The following MARK1 variants were observed in gnomAD, a reference collection of about 807,000 sequenced individuals.
MARK1 encodes the protein serine/threonine-protein kinase MARK1.
A neutral mutation model predicts 96.3 loss-of-function variants in MARK1; 40 were observed. That is an observed-to-expected ratio of 0.42 (90% CI 0.32 to 0.54). MARK1 has a LOEUF of 0.54. Ranked by LOEUF, MARK1 falls within the 20% of genes least tolerant of loss-of-function variation. The pLI is 0.16. For missense variants in MARK1, 719 were observed against 984.6 expected (o/e 0.73, Z 3.61); for synonymous variants, 317 against 341.2 (o/e 0.93, Z 0.78).
intron 13 of MARK1, among the ~76,000 whole-genome samples, chr1:220,646,545 G>GA (rs952611937): frequency 5.3e-5 from 8 of 152,018 alleles, no homozygotes; most frequent in Non-Finnish European, 1.0e-4. Flanking sequence ...CACAGAATTA[G>GA]AAAAAAACTA....
intron 1 of MARK1, among the ~76,000 whole-genome samples, chr1:220,564,651 G>A (rs901431425): frequency 6.6e-6 from 1 of 152,076 alleles, no homozygotes; most frequent in Admixed American, 6.6e-5. Context: ...ATAGCATCCT[G>A]TGTGTACCTT....
At chr1:220,606,256 G>C (rs2102929155) in intron 6 of MARK1, among the ~76,000 whole-genome samples, 1 of 152,230 alleles carries the variant, frequency 6.6e-6, no homozygotes, top group East Asian at 1.9e-4. Flanking sequence ...GTTTTGATTT[G>C]CATTTCTCTG....
At chr1:220,537,343 G>A (rs1238669060) in intron 1 of MARK1, among the ~76,000 whole-genome samples, 1 of 148,480 alleles carries the variant, frequency 6.7e-6, no homozygotes, top group Non-Finnish European at 1.5e-5. Context: ...GCGGTGTTTG[G>A]TTTTTTGTTC....
At chr1:220,630,296 A>G (rs1667614292) in intron 9 of MARK1, among the ~76,000 whole-genome samples, 1 of 152,056 alleles carries the variant, frequency 6.6e-6, no homozygotes, top group Non-Finnish European at 1.5e-5. Context: ...TATTCAGGTT[A>G]TTTGTTTTGA....
At chr1:220,529,551 T>A (rs889933923) in intron 1 of MARK1, among the ~76,000 whole-genome samples, 4 of 152,164 alleles carry the variant, frequency 2.6e-5, no homozygotes, top group Non-Finnish European at 5.9e-5. Flanking sequence ...AAGGGCTTTT[T>A]AATCTCTTCC....
chr1:220,605,857 T>C (rs1344952929), intron 6 of MARK1, among the ~76,000 whole-genome samples: 3 of 152,212 alleles, frequency 2.0e-5, no homozygotes, highest in Non-Finnish European at 4.4e-5. Flanking sequence ...TCCTTTTTTA[T>C]GGCTGCGTAG....
chr1:220,543,004 C>G (rs1180442711), intron 1 of MARK1, among the ~76,000 whole-genome samples: 1 of 152,024 alleles, frequency 6.6e-6, no homozygotes, highest in East Asian at 1.9e-4. Flanking sequence ...GCATAATTTT[C>G]TGTTTATAAA....
At chr1:220,595,970 T>G (rs1237514688) in intron 3 of MARK1, among the ~76,000 whole-genome samples, 1 of 152,182 alleles carries the variant, frequency 6.6e-6, no homozygotes, top group Non-Finnish European at 1.5e-5. Context: ...GACAGACATA[T>G]GGAGCTGGGG....
At chr1:220,590,287 G>A (rs1400779765) in intron 3 of MARK1, among the ~76,000 whole-genome samples, 1 of 152,168 alleles carries the variant, frequency 6.6e-6, no homozygotes, top group Non-Finnish European at 1.5e-5. Context: ...TATCATATTA[G>A]TCTGCTAGTC....
intron 1 of MARK1, among the ~76,000 whole-genome samples, chr1:220,573,174 G>T (rs1663590533): frequency 6.6e-6 from 1 of 151,862 alleles, no homozygotes; most frequent in Non-Finnish European, 1.5e-5. Context: ...ATCCTTCTTA[G>T]AATTTACAGT....
intron 11 of MARK1, among the ~76,000 whole-genome samples, chr1:220,633,115 G>A (rs956323442): frequency 1.3e-5 from 2 of 152,096 alleles, no homozygotes; most frequent in African/African-American, 2.4e-5. Flanking sequence ...GCGTGAACCC[G>A]TAAAGGGAGA....
At chr1:220,566,212 G>C (rs941974191) in intron 1 of MARK1, among the ~76,000 whole-genome samples, 1 of 152,132 alleles carries the variant, frequency 6.6e-6, no homozygotes, top group African/African-American at 2.4e-5. Flanking sequence ...TGGACTGGTA[G>C]TAACATTATT....
In MARK1 at chr1:220,581,070, T is replaced by A. The variant is rs778153923; in HGVS notation, c.261T>A (p.Ala87=). Residue 87 remains alanine (A), a synonymous_variant, in exon 3 of 18, where the codon GCT becomes GCA. Transcript: ENST00000366917. The stretch of plus-strand genomic sequence containing the variant: ...TAATGATTCTTCTTTTTTAGGTTGC[T>A]GTGAAAATAATAGACAAAACTCAGC... The part of the protein sequence containing the change: ...ARHVLTGREV[A]VKIIDKTQLN... The A allele has an allele frequency of 8.6e-6, 11 of 1,279,860 alleles. No individual in the cohort carries two copies. Among genetic ancestry groups the A allele is most frequent in the Non-Finnish European group, 1.1e-5 (11 of 961,748 alleles). 79.3% of individuals were successfully genotyped at this position (1,279,860 alleles called of 1,614,324 possible). A position where few individuals can be genotyped will look rare whatever the true frequency, so the allele number is the denominator to read the frequency against.
chr1:220,549,192 A>G (rs779020305), intron 1 of MARK1, among the ~76,000 whole-genome samples: 4 of 152,182 alleles, frequency 2.6e-5, no homozygotes, highest in Admixed American at 6.5e-5. Context: ...CTTGGGTTCA[A>G]ATCCTAGCTC....
chr1:220,621,683 A>T (rs1018689178), intron 9 of MARK1, among the ~76,000 whole-genome samples: 4 of 151,798 alleles, frequency 2.6e-5, no homozygotes, highest in Non-Finnish European at 4.4e-5. Context: ...TTCCACATTT[A>T]AAAAAAATGG....
chr1:220,641,923 G>A (rs1392969122), intron 13 of MARK1, among the ~76,000 whole-genome samples: 4 of 152,194 alleles, frequency 2.6e-5, no homozygotes, highest in Non-Finnish European at 1.5e-5. Flanking sequence ...CATGGATCGG[G>A]AGATTCCCTA....
At chr1:220,542,011 T>A (rs1661182056) in intron 1 of MARK1, among the ~76,000 whole-genome samples, 1 of 152,200 alleles carries the variant, frequency 6.6e-6, no homozygotes, top group African/African-American at 2.4e-5. Context: ...TGTAGTGACC[T>A]CTAGTGTAAG....
At position 220,659,253 on chromosome 1, in the gene MARK1, C is replaced by T. The variant is rs1372930975; in HGVS notation, c.2033+1419C>T. 2.6e-5 allele frequency among the ~76,000 whole-genome samples: 4 copies of T among 152,006 alleles called. No homozygotes were observed. In the East Asian group the frequency reaches 7.7e-4, roughly 29 times the overall value. On this transcript the variant is annotated intron_variant, in intron 17 of 17. Transcript: ENST00000366917. Reference sequence around the variant, plus strand: ...GTACTTTCTGATCATTTAATTTTCACAACAACTAGGTGAAAATGCCTATTT... The same window carrying T: ...GTACTTTCTGATCATTTAATTTTCATAACAACTAGGTGAAAATGCCTATTT...
At chr1:220,574,749 G>C (rs912346991) in intron 1 of MARK1, among the ~76,000 whole-genome samples, 34 of 152,086 alleles carry the variant, frequency 2.2e-4, no homozygotes, top group Admixed American at 2.2e-3. Flanking sequence ...TTCTTTGTTG[G>C]AAGCAGAACT....
Sources: gnomAD v4.1 joint callset for allele counts (sites outside exome capture counted in the v4.1 genomes callset) on GRCh38, gnomAD v4.1.1 for gene constraint, MANE v1.5 for transcripts, NCBI Gene and HGNC (gene_info 2026-07-23, HGNC 2026-07-21) for gene names.